GJB7: variants seen among roughly 807,000 people sequenced by gnomAD.
GJB7 encodes the protein gap junction protein beta 7.
For synonymous variants in GJB7, 87 were observed against 95.2 expected, an observed-to-expected ratio of 0.91 and a Z score of 0.50; for missense variants, 253 against 256.8, an observed-to-expected ratio of 0.99 and a Z score of 0.10.
intron 2 of GJB7, among the ~76,000 whole-genome samples, chr6:87,297,800 C>T (rs949943882): frequency 1.3e-5 from 2 of 152,202 alleles, no homozygotes; most frequent in Non-Finnish European, 2.9e-5. Context: ...GCTCCTCACT[C>T]CACCTGGACA....
intron 2 of GJB7, among the ~76,000 whole-genome samples, chr6:87,300,828 T>C (rs1376075230): frequency 6.6e-6 from 1 of 152,352 alleles, no homozygotes; most frequent in East Asian, 1.9e-4. Context: ...CTGTAGAGAA[T>C]AAGAATTGTG....
intron 2 of GJB7, among the ~76,000 whole-genome samples, chr6:87,319,895 T>C (rs1255598264): frequency 6.6e-6 from 1 of 152,196 alleles, no homozygotes; most frequent in Admixed American, 6.5e-5. Context: ...TTATTTTCAG[T>C]GAAATAAGCC....
chr6:87,303,363 A>ACT (rs1049708506), intron 2 of GJB7, among the ~76,000 whole-genome samples: 24 of 152,174 alleles, frequency 1.6e-4, no homozygotes, highest in Admixed American at 1.2e-3. Context: ...CAAAAAAAAG[A>ACT]AGGGGTTACA....
At chr6:87,298,991 A>C in intron 2 of GJB7, 1 of 475,868 alleles carries the variant, frequency 2.1e-6, no homozygotes, top group Non-Finnish European at 4.2e-6. Context: ...AGATGGTGTG[A>C]CTGTTCCAAA....
intron 2 of GJB7, among the ~76,000 whole-genome samples, chr6:87,304,819 T>G (rs565895804): frequency 1.3e-5 from 2 of 152,326 alleles, no homozygotes; most frequent in East Asian, 3.8e-4. Flanking sequence ...TCAAAAAGCT[T>G]ATCAACGATG....
At chr6:87,308,868 A>C (rs1298136640) in intron 2 of GJB7, among the ~76,000 whole-genome samples, 1 of 152,224 alleles carries the variant, frequency 6.6e-6, no homozygotes, top group Non-Finnish European at 1.5e-5. Flanking sequence ...TTCCAGAAAA[A>C]CAATGTAATG....
chr6:87,304,223 A>G (rs566949808), intron 2 of GJB7, among the ~76,000 whole-genome samples: 1 of 152,316 alleles, frequency 6.6e-6, no homozygotes, highest in South Asian at 2.1e-4. Context: ...CCTTCAAAAA[A>G]TCAATGAATC....
intron 1 of GJB7, among the ~76,000 whole-genome samples, chr6:87,324,046 G>A (rs1444552213): frequency 6.7e-6 from 1 of 149,544 alleles, no homozygotes; most frequent in Non-Finnish European, 1.5e-5. Flanking sequence ...ATTTTTTCAT[G>A]TGTGTTTTGG....
intron 2 of GJB7, among the ~76,000 whole-genome samples, chr6:87,303,361 A>G (rs922287858): frequency 9.2e-5 from 14 of 152,200 alleles, no homozygotes; most frequent in African/African-American, 3.1e-4. Context: ...AGCAAAAAAA[A>G]GAAGGGGTTA....
intron 2 of GJB7, chr6:87,298,949 T>C (rs745736444): frequency 5.8e-5 from 26 of 449,900 alleles, no homozygotes; most frequent in Non-Finnish European, 1.1e-4. Context: ...AAAACAATGA[T>C]TGATCAACTG....
intron 2 of GJB7, chr6:87,299,715 T>C (rs964267866): frequency 2.5e-5 from 4 of 161,924 alleles, no homozygotes; most frequent in African/African-American, 4.8e-5. Context: ...CTACTGGTGG[T>C]CTGGTGTTTA....
At chr6:87,308,016 C>G (rs1175744212) in intron 2 of GJB7, among the ~76,000 whole-genome samples, 1 of 152,096 alleles carries the variant, frequency 6.6e-6, no homozygotes, top group East Asian at 1.9e-4. Context: ...GAAAATGTGG[C>G]ACATATACAC....
At chr6:87,312,660 A>G (rs1482654725) in intron 2 of GJB7, among the ~76,000 whole-genome samples, 2 of 152,224 alleles carry the variant, frequency 1.3e-5, no homozygotes, top group African/African-American at 4.8e-5. Context: ...TTACAAGTAT[A>G]CAAGCCAATT....
intron 2 of GJB7, among the ~76,000 whole-genome samples, chr6:87,317,509 A>T (rs183944953): frequency 2.5e-4 from 38 of 150,538 alleles, no homozygotes; most frequent in Non-Finnish European, 1.0e-4. Flanking sequence ...AGCTCACTGC[A>T]ACCTCCGCCT....
At chr6:87,307,775 G>T (rs1011423735) in intron 2 of GJB7, among the ~76,000 whole-genome samples, 1 of 152,164 alleles carries the variant, frequency 6.6e-6, no homozygotes, top group Non-Finnish European at 1.5e-5. Flanking sequence ...TACACTGTTG[G>T]TGGGTCTGTA....
chr6:87,324,190 A>G (rs981457223), intron 1 of GJB7, among the ~76,000 whole-genome samples: 12 of 152,070 alleles, frequency 7.9e-5, no homozygotes, highest in South Asian at 4.1e-4. Context: ...TGTCAGATGA[A>G]TAGGTTGTGA....
chr6:87,323,634 A>G (rs1014519016), intron 1 of GJB7, among the ~76,000 whole-genome samples: 1 of 152,004 alleles, frequency 6.6e-6, no homozygotes, highest in Non-Finnish European at 1.5e-5. Flanking sequence ...ATAGTATTAC[A>G]TGGTGTATAT....
chr6:87,284,210 A>T lies in GJB7; in HGVS notation c.*31T>A. Reference sequence around the variant, plus strand: ...GGAGTAGGGGAGGGGTCCCTCTCCTACCACATTCAACATATCTGAGGCTGT... The same window carrying T: ...GGAGTAGGGGAGGGGTCCCTCTCCTTCCACATTCAACATATCTGAGGCTGT... On this transcript the variant is annotated 3_prime_UTR_variant, in exon 3 of 3. Coordinates refer to ENST00000525899, the MANE Select transcript of GJB7 (RefSeq NM_198568.3). 6.4e-7 allele frequency: 1 copy of T among 1,571,352 alleles called. No individual in the cohort carries two copies. The highest frequency in any genetic ancestry group is 8.7e-7 in the Non-Finnish European group (1 of 1,150,042).
At chr6:87,292,434 T>A (rs116673641) in intron 2 of GJB7, among the ~76,000 whole-genome samples, 1,796 of 152,266 alleles carry the variant, frequency 0.012, 33 homozygotes, top group African/African-American at 0.04. Flanking sequence ...GGCATAGTTT[T>A]CATTTTCATA....
Sources: gnomAD v4.1 joint callset for allele counts (sites outside exome capture counted in the v4.1 genomes callset) on GRCh38, gnomAD v4.1.1 for gene constraint, MANE v1.5 for transcripts, NCBI Gene and HGNC (gene_info 2026-07-23, HGNC 2026-07-21) for gene names.